PLEKHA4: variants seen among roughly 807,000 people sequenced by gnomAD.
PLEKHA4 encodes the protein pleckstrin homology domain-containing family A member 4.
Under a neutral mutation model 94.7 loss-of-function variants are expected in PLEKHA4, and 73 were observed. The observed-to-expected ratio is 0.77, with a 90% CI of 0.64 to 0.94. The LOEUF (loss-of-function observed/expected upper bound fraction) is 0.94, where lower values mean the gene tolerates loss of function less well. Among genes scored for constraint, PLEKHA4 ranks in the 40% least tolerant of loss-of-function variants. The pLI is 0.00. For synonymous variants in PLEKHA4, 449 were observed against 437.1 expected (o/e 1.03, Z -0.34); for missense variants, 1,049 against 1,054.1 (o/e 1.00, Z 0.07).
At chr19:48,841,096 C>T (rs1345858080) in intron 17 of PLEKHA4, 53 bp downstream of exon 17, 41 of 1,520,128 alleles carry the variant, frequency 2.7e-5, no homozygotes, top group South Asian at 8.4e-5. Flanking sequence ...TCAAAGTAGG[C>T]GAAGAGGACC....
rs2036294122 is a variant in PLEKHA4 at position 48,853,753 on chromosome 19, C to T, written c.1255G>A (p.Ala419Thr). The T allele has an allele frequency of 9.9e-6, 16 of 1,612,688 alleles. No individual in the cohort carries two copies. Among genetic ancestry groups the T allele is most frequent in the Non-Finnish European group, 1.4e-5 (16 of 1,179,616 alleles). ...TGCAAGAGGCGCTGGCGACCCCAGG[C>T]CCTCCCGGGAGCCCCAGCCTCCCTG... is the stretch of plus-strand genomic sequence containing the variant. ...ATREAGAPGR[A>T]WGRQRLLQDR... The change falls in exon 12 of 20, where the codon GCC becomes ACC. Residue 419 changes from alanine to threonine, a missense_variant. Physicochemically the swap from Ala to Thr is moderately conservative, Grantham distance 58 (BLOSUM62 0). Transcript: ENST00000263265.
Position 48,845,605 on chromosome 19 carries a change from C to A in PLEKHA4, c.1578G>T (p.Glu526Asp), listed in dbSNP as rs755905495. ...ACCTAGGGGAGCTCAGTTCCAAGGA[C>A]TCTGGCAGGCTCTGCGGGGATTAGA... is the stretch of plus-strand genomic sequence containing the variant. ...EESSERESLP[E>D]SLELSSPRSP... is the part of the protein sequence containing the mutation. Residue 526 changes from glutamate (E) to aspartate (D), a missense_variant, in exon 15 of 20, where the codon GAG becomes GAT. Glu to Asp is a conservative substitution (Grantham distance 45). Coordinates refer to ENST00000263265, the MANE Select transcript of PLEKHA4 (RefSeq NM_020904.3). The A allele has an allele frequency of 1.9e-6, 3 of 1,586,300 alleles. No homozygotes were observed. Among genetic ancestry groups the A allele is most frequent in the Non-Finnish European group, 2.6e-6 (3 of 1,166,870 alleles).
At chr19:48,860,125 T>G (rs1022812117) in intron 6 of PLEKHA4, 5 of 585,478 alleles carry the variant, frequency 8.5e-6, no homozygotes, top group Admixed American at 6.0e-5. Context: ...GACTGAAGGG[T>G]CAGCTTGGGG....
chr19:48,854,230 C>T lies in PLEKHA4; in HGVS notation c.1082G>A (p.Ser361Asn), dbSNP rs778121378. 2.5e-6 allele frequency: 4 copies of T among 1,614,122 alleles called. No individual in the cohort carries two copies. The highest frequency in any genetic ancestry group is 2.5e-6 in the Non-Finnish European group (3 of 1,180,004). ...GTGACAACTTACATCTGTCTCCAAG[C>T]TTTGGTGGAAAGTTGACTCCAGGGG... is the stretch of plus-strand genomic sequence containing the variant. Reference protein sequence around the residue: ...GPPLESTFHQSLETDTLLTKL... With the variant: ...GPPLESTFHQNLETDTLLTKL... The change falls in exon 10 of 20, where the codon AGC becomes AAC. Residue 361 changes from serine to asparagine, a missense_variant. Physicochemically the swap from Ser to Asn is conservative, Grantham distance 46. Coordinates refer to ENST00000263265, the MANE Select transcript of PLEKHA4 (RefSeq NM_020904.3).
chr19:48,845,567 T>A lies in PLEKHA4; in HGVS notation c.1616A>T (p.Asp539Val), dbSNP rs1004580664. ...GTCGCCTCCAGGAGGCCGCCCCCAG[T>A]CAGTCTCGGGGGACCTAGGGGAGCT... ...ELSSPRSPET[D>V]WGRPPGGDKD... Residue 539 changes from aspartate (D) to valine (V), a missense_variant, in exon 15 of 20, where the codon GAC (aspartate) becomes GTC (valine). Transcript: ENST00000263265. The A allele has an allele frequency of 1.2e-6, 2 of 1,610,716 alleles. No individual in the cohort carries two copies. Among genetic ancestry groups the A allele is most frequent in the East Asian group, 2.2e-5 (1 of 44,782 alleles).
intron 13 of PLEKHA4, among the ~76,000 whole-genome samples, chr19:48,849,344 T>C (rs1410998793): frequency 6.6e-6 from 1 of 152,114 alleles, no homozygotes; most frequent in African/African-American, 2.4e-5. Flanking sequence ...AGTCTCTCCC[T>C]ATCACCCAGG....
chr19:48,850,781 C>T (rs2036155677), intron 13 of PLEKHA4, among the ~76,000 whole-genome samples: 2 of 151,918 alleles, frequency 1.3e-5, no homozygotes, highest in Admixed American at 6.6e-5. Context: ...TGCACCATTG[C>T]ACTCCGGTCT....
chr19:48,853,971 G>A (rs756345157), intron 11 of PLEKHA4, 36 bp downstream of exon 11: 27 of 1,612,868 alleles, frequency 1.7e-5, no homozygotes, highest in Non-Finnish European at 2.0e-5. Context: ...CAGGCAGAGA[G>A]GCCAGGCGCC....
intron 9 of PLEKHA4, among the ~76,000 whole-genome samples, chr19:48,854,786 A>C (rs749508319): frequency 1.4e-5 from 2 of 138,554 alleles, no homozygotes; most frequent in African/African-American, 2.7e-5. Context: ...TGCAGCCTTG[A>C]ACTCTTAGGC....
chr19:48,841,697 G>A (rs1049580043), intron 16 of PLEKHA4, among the ~76,000 whole-genome samples: 15 of 151,914 alleles, frequency 9.9e-5, no homozygotes, highest in African/African-American at 3.4e-4. Context: ...GTGGGTGACT[G>A]TAATCCCAGA....
At chr19:48,864,579 G>C (rs2036765203) in intron 3 of PLEKHA4, among the ~76,000 whole-genome samples, 1 of 151,854 alleles carries the variant, frequency 6.6e-6, no homozygotes, top group South Asian at 2.1e-4. Context: ...TTTTGTTTTT[G>C]AGACAGGGTC....
Position 48,867,460 on chromosome 19 carries a change from C to A in PLEKHA4, c.84+77G>T, listed in dbSNP as rs2036871391. 2.0e-6 allele frequency: 3 copies of A among 1,487,676 alleles called. No homozygotes were observed. The highest frequency in any genetic ancestry group is 2.0e-5 in the Admixed American group (1 of 49,844). The allele number at this position is 1,487,676 out of a possible 1,614,324, so 92.2% of individuals were successfully genotyped here. On this transcript the variant is annotated intron_variant, in intron 2 of 19. Transcript: ENST00000263265. The surrounding 1 kb of genome is among the most constrained non-coding windows in gnomAD (Gnocchi z 4.7). ...GCTAAGGATCTTTGTCCTTAACAAC[C>A]AGAGTCCTTGGGGAAACAGAAGGAT...
intron 17 of PLEKHA4, among the ~76,000 whole-genome samples, chr19:48,839,826 T>A (rs2035682190): frequency 6.6e-6 from 1 of 151,848 alleles, no homozygotes; most frequent in African/African-American, 2.4e-5. Flanking sequence ...GGGCCGGGTC[T>A]GGTGGCTCAC....
chr19:48,858,550 C>T (rs2123101964), intron 8 of PLEKHA4, among the ~76,000 whole-genome samples: 1 of 148,244 alleles, frequency 6.7e-6, no homozygotes, highest in Admixed American at 6.8e-5. Flanking sequence ...TCGCTTGAAC[C>T]CGGGAGACAG....
Position 48,864,172 on chromosome 19 carries a change from C to CTT in PLEKHA4, c.192+1329_192+1330dup, listed in dbSNP as rs11378326. Among the ~76,000 whole-genome samples the CTT allele has an allele frequency of 8.9e-4, 127 of 142,580 alleles. 2 individuals are homozygous for CTT. Among genetic ancestry groups the CTT allele is most frequent in the African/African-American group, 2.7e-3 (103 of 38,774 alleles). 93.5% of individuals were successfully genotyped at this position (142,580 alleles called of 152,430 possible). A position where few individuals can be genotyped will look rare whatever the true frequency, so the allele number is the denominator to read the frequency against. ...TTTTGGATGCGATCTGCCTCCAGGT[C>CTT]TTTTTTTTTTTTTTGACATGGAGTC... On this transcript the variant is annotated intron_variant, in intron 3 of 19. Transcript: ENST00000263265.
At chr19:48,856,960 A>AAAGG (rs1471004557) in intron 9 of PLEKHA4, among the ~76,000 whole-genome samples, 3 of 151,116 alleles carry the variant, frequency 2.0e-5, no homozygotes, top group Non-Finnish European at 3.0e-5. Context: ...AGAAAGAAAG[A>AAAGG]AAGAAAGAGG....
chr19:48,854,002 C>T lies in PLEKHA4; in HGVS notation c.1176+5G>A, dbSNP rs753281128. ...GCGCCCTGTCCTTGGCCCAGGGCCC[C>T]GCACCTTCTCCTCCTGCTTCTGGTC... On this transcript the variant is annotated splice_donor_5th_base_variant and intron_variant, in intron 11 of 19. Transcript: ENST00000263265. 21 of 1,613,930 alleles carry T rather than the reference C, an allele frequency of 1.3e-5. No individual in the cohort carries two copies. The highest frequency in any genetic ancestry group is 1.7e-5 in the Non-Finnish European group (20 of 1,179,968).
In PLEKHA4 at chr19:48,859,054, AG is replaced by A; in HGVS notation, c.777del (p.Ser260GlnfsTer14). On this transcript the variant is annotated frameshift_variant, in exon 8 of 20. Coordinates refer to ENST00000263265, the MANE Select transcript of PLEKHA4 (RefSeq NM_020904.3). LOFTEE classifies it high-confidence loss of function. The part of the protein sequence containing the change: ...RSAPARRPPA[P>X]SGDTAPPARP... ...CGGGCAGGGGGTGCTGTGTCTCCTG[AG>A]GGGGCAGGGGGTCGCCGCGCAGGGG... 1.3e-6 allele frequency: 1 copy of A among 798,034 alleles called. No homozygotes were observed. The allele number at this position is 798,034 out of a possible 1,614,324, so 49.4% of individuals were successfully genotyped here.
chr19:48,858,767 G>A, intron 8 of PLEKHA4, 93 bp downstream of exon 8: 2 of 1,386,420 alleles, frequency 1.4e-6, no homozygotes, highest in Non-Finnish European at 2.0e-6. Flanking sequence ...CAATACCCAT[G>A]ACACCCAGGG....
Sources: allele counts gnomAD v4.1 joint callset (sites outside exome capture counted in the v4.1 genomes callset), GRCh38; gene constraint gnomAD v4.1.1; non-coding constraint Gnocchi (gnomAD v3.1); transcripts MANE v1.5; gene names NCBI Gene and HGNC (gene_info 2026-07-23, HGNC 2026-07-21).